Variants in MTREX observed in about 807,000 individuals in gnomAD.
The protein encoded by MTREX is exosome RNA helicase MTR4.
Under a neutral mutation model 135.4 loss-of-function variants are expected in MTREX, and 76 were observed. That is an observed-to-expected ratio of 0.56 (90% CI 0.47 to 0.68). The LOEUF (loss-of-function observed/expected upper bound fraction) is 0.68, where lower values mean the gene tolerates loss of function less well. Among genes scored for constraint, MTREX ranks in the 30% least tolerant of loss-of-function variants. The probability of loss-of-function intolerance (pLI) is 0.00; values close to 1 mark genes in which losing one functional copy is unlikely to be tolerated. For missense variants in MTREX, 920 were observed against 1,262.1 expected, an observed-to-expected ratio of 0.73 and a Z score of 4.11; for synonymous variants, 404 against 401.6, an observed-to-expected ratio of 1.01 and a Z score of -0.07.
chr5:55,378,564 TTTTA>T, intron 17 of MTREX, 78 bp downstream of exon 17: 2 of 1,414,236 alleles, frequency 1.4e-6, no homozygotes, highest in Non-Finnish European at 1.9e-6. Context: ...CTAATTTATT[TTTTA>T]TTCTGATAAA....
intron 19 of MTREX, among the ~76,000 whole-genome samples, chr5:55,394,478 G>A (rs1008653724): frequency 6.6e-6 from 1 of 152,154 alleles, no homozygotes; most frequent in East Asian, 1.9e-4. Flanking sequence ...GGGTGGTTTG[G>A]GGATGAAACT....
intron 20 of MTREX, among the ~76,000 whole-genome samples, chr5:55,399,884 T>A (rs1052321401): frequency 3.3e-5 from 5 of 152,178 alleles, no homozygotes; most frequent in Non-Finnish European, 5.9e-5. Flanking sequence ...TAAACATAGA[T>A]GCTCAATACA....
chr5:55,378,592 C>T lies in MTREX; in HGVS notation c.1983+106C>T. 3 of 1,231,736 alleles carry T rather than the reference C, an allele frequency of 2.4e-6. No homozygotes were observed. The South Asian group carries it at 4.5e-5, about 19-fold the overall frequency. The allele number at this position is 1,231,736 out of a possible 1,614,324, so 76.3% of individuals were successfully genotyped here. ...TATTCTGATAAAATGCTTCCTGCTA[C>T]AATAGTTGATCTATATTAATCATAT... On this transcript the variant is annotated intron_variant, in intron 17 of 26. Coordinates refer to ENST00000230640, the MANE Select transcript of MTREX (RefSeq NM_015360.5).
At chr5:55,404,522 G>GA (rs1160388523) in intron 21 of MTREX, among the ~76,000 whole-genome samples, 1 of 152,172 alleles carries the variant, frequency 6.6e-6, no homozygotes, top group African/African-American at 2.4e-5. Flanking sequence ...ATAGTCAAGA[G>GA]AAAAGATTTC....
At chr5:55,310,697 C>T (rs1439589260) in intron 1 of MTREX, among the ~76,000 whole-genome samples, 2 of 152,116 alleles carry the variant, frequency 1.3e-5, no homozygotes, top group African/African-American at 4.8e-5. Context: ...ATCTGTGTAA[C>T]ATAGGAGGGC....
At chr5:55,415,336 A>G (rs1296928236) in intron 24 of MTREX, among the ~76,000 whole-genome samples, 1 of 152,070 alleles carries the variant, frequency 6.6e-6, no homozygotes, top group African/African-American at 2.4e-5. Flanking sequence ...CTGTACATGA[A>G]CCCCTGAGCC....
chr5:55,376,899 C>T (rs982754173), intron 16 of MTREX, among the ~76,000 whole-genome samples: 2 of 151,948 alleles, frequency 1.3e-5, no homozygotes, highest in South Asian at 4.2e-4. Context: ...GTGAAACCCC[C>T]GTCTCTACTA....
chr5:55,378,205 A>G (rs1750337154), intron 16 of MTREX, 109 bp from the exon 17 acceptor site: 2 of 1,304,116 alleles, frequency 1.5e-6, no homozygotes, highest in Non-Finnish European at 2.0e-6. Context: ...AAGGTAAACA[A>G]AAACCGCAAC....
chr5:55,404,797 C>CTTTTTTTTT, intron 21 of MTREX, among the ~76,000 whole-genome samples: 1 of 131,964 alleles, frequency 7.6e-6, no homozygotes, highest in Non-Finnish European at 1.6e-5. Context: ...GCTCTGTTCT[C>CTTTTTTTTT]TTTTTTTTTT....
intron 6 of MTREX, 122 bp downstream of exon 6, chr5:55,340,306 T>G: frequency 1.7e-6 from 1 of 585,452 alleles, no homozygotes; most frequent in East Asian, 3.2e-5. Flanking sequence ...CTTTATTTTC[T>G]GATTAGACTT....
intron 14 of MTREX, 122 bp downstream of exon 14, chr5:55,353,391 C>G (rs1217775529): frequency 1.7e-6 from 1 of 574,034 alleles, no homozygotes; most frequent in East Asian, 3.3e-5. Context: ...TGAGCTAATA[C>G]AGTTTCATCA....
chr5:55,338,786 CTTTTTT>C (rs67612518), intron 5 of MTREX, among the ~76,000 whole-genome samples: 1 of 92,258 alleles, frequency 1.1e-5, no homozygotes, highest in African/African-American at 4.6e-5. Context: ...CTTTCTTTTT[CTTTTTT>C]TTTTTTTTTT....
chr5:55,371,566 G>A (rs1173387508), intron 16 of MTREX, among the ~76,000 whole-genome samples: 1 of 152,146 alleles, frequency 6.6e-6, no homozygotes, highest in Non-Finnish European at 1.5e-5. Context: ...TTGCACTGCA[G>A]TTAAACTAGC....
chr5:55,330,411 A>G (rs190272650), intron 5 of MTREX, among the ~76,000 whole-genome samples: 8 of 152,038 alleles, frequency 5.3e-5, no homozygotes, highest in Admixed American at 1.3e-4. Context: ...TAGATGTTCA[A>G]TTTATTTTTG....
In MTREX at chr5:55,349,599, G is replaced by A. The variant is rs1749795058; in HGVS notation, c.1267G>A (p.Val423Ile). 2 of 1,603,732 alleles carry A rather than the reference G, an allele frequency of 1.2e-6. No individual in the cohort carries two copies. Among genetic ancestry groups the A allele is most frequent in the Admixed American group, 3.3e-5 (2 of 59,888 alleles). The change falls in exon 12 of 27, where the codon GTA (valine) becomes ATA (isoleucine). Residue 423 changes from valine to isoleucine, a missense_variant. Physicochemically the swap from Val to Ile is conservative, Grantham distance 29 (BLOSUM62 3). Transcript: ENST00000230640. ...TDEEKKMVEEVFSNAIDCLSD... is the reference protein window; with the variant it reads ...TDEEKKMVEEIFSNAIDCLSD... Reference sequence around the variant, plus strand: ...TGAAGAAAAGAAGATGGTTGAAGAAGTATTCAGTAATGCAATTGATTGCTT... The same window carrying A: ...TGAAGAAAAGAAGATGGTTGAAGAAATATTCAGTAATGCAATTGATTGCTT...
chr5:55,362,801 T>G (rs1370467698), intron 15 of MTREX, among the ~76,000 whole-genome samples: 9 of 152,228 alleles, frequency 5.9e-5, no homozygotes, highest in Admixed American at 5.9e-4. Context: ...GAAAGACTGG[T>G]GAATGCATCT....
intron 26 of MTREX, chr5:55,423,624 T>C (rs1751090861): frequency 6.6e-6 from 1 of 152,362 alleles, no homozygotes; most frequent in African/African-American, 2.4e-5. Flanking sequence ...TACAAGGTAA[T>C]TGTTGCTCTT....
At chr5:55,399,581 G>A (rs951148969) in intron 20 of MTREX, among the ~76,000 whole-genome samples, 18 of 152,156 alleles carry the variant, frequency 1.2e-4, no homozygotes, top group African/African-American at 4.1e-4. Context: ...TCCACCTCCC[G>A]GGTTCACGCC....
At chr5:55,320,440 A>G (rs1315359208) in intron 1 of MTREX, among the ~76,000 whole-genome samples, 2 of 152,046 alleles carry the variant, frequency 1.3e-5, no homozygotes, top group Non-Finnish European at 2.9e-5. Context: ...GATGGTCTCA[A>G]TCTCCTGACC....
Sources: gnomAD v4.1 joint callset for allele counts (sites outside exome capture counted in the v4.1 genomes callset) on GRCh38, gnomAD v4.1.1 for gene constraint, MANE v1.5 for transcripts, NCBI Gene and HGNC (gene_info 2026-07-23, HGNC 2026-07-21) for gene names.